Variants in HDX observed in about 807,000 individuals in gnomAD.
The protein encoded by HDX is highly divergent homeobox.
In HDX, 19 loss-of-function variants were observed where a neutral mutation model predicts 45.2. The observed-to-expected ratio is 0.42, with a 90% CI of 0.29 to 0.62. The LOEUF (loss-of-function observed/expected upper bound fraction) is 0.62, where lower values mean the gene tolerates loss of function less well. Ranked by LOEUF, HDX falls within the 20% of genes least tolerant of loss-of-function variation. The pLI is 0.20. For missense variants in HDX, 532 were observed against 493.9 expected (o/e 1.08, Z -0.73); for synonymous variants, 188 against 172.8 (o/e 1.09, Z -0.69).
intron 2 of HDX, among the ~76,000 whole-genome samples, chrX:84,481,179 G>T (rs1396374688): frequency 4.5e-5 from 5 of 111,113 alleles, no homozygotes; most frequent in Non-Finnish European, 9.4e-5. Flanking sequence ...GGCCTGTGGT[G>T]ATGTACCTTT....
chrX:84,465,778 C>G (rs888326177), intron 4 of HDX, among the ~76,000 whole-genome samples: 1 of 111,115 alleles, frequency 9.0e-6, no homozygotes, highest in Non-Finnish European at 1.9e-5. Context: ...ATGTAACAAA[C>G]CTGCACGTTC....
intron 9 of HDX, among the ~76,000 whole-genome samples, chrX:84,330,162 A>G (rs1214846097): frequency 9.0e-6 from 1 of 111,280 alleles, no homozygotes; most frequent in African/African-American, 3.3e-5. Context: ...TTTGTACCCT[A>G]TAAATATACA....
intron 10 of HDX, among the ~76,000 whole-genome samples, chrX:84,322,662 T>C (rs2036622332): frequency 9.0e-6 from 1 of 110,795 alleles, no homozygotes; most frequent in Non-Finnish European, 1.9e-5. Flanking sequence ...ATTTCTCTGC[T>C]TGAGTAATAA....
chrX:84,412,980 G>A (rs771015236), intron 5 of HDX, among the ~76,000 whole-genome samples: 3 of 111,890 alleles, frequency 2.7e-5, no homozygotes, highest in Non-Finnish European at 5.6e-5. Flanking sequence ...CTTGAAGTGA[G>A]TTTTTCAGCT....
intron 4 of HDX, among the ~76,000 whole-genome samples, chrX:84,456,433 C>T (rs1453968974): frequency 9.1e-6 from 1 of 110,128 alleles, no homozygotes; most frequent in Non-Finnish European, 1.9e-5. Flanking sequence ...GAGAAAATTT[C>T]CTTCAATAAA....
At chrX:84,464,033 G>A (rs1159490374) in intron 4 of HDX, among the ~76,000 whole-genome samples, 1 of 111,287 alleles carries the variant, frequency 9.0e-6, no homozygotes, top group Non-Finnish European at 1.9e-5. Flanking sequence ...GATAAGTGGT[G>A]TAACACAGAA....
intron 4 of HDX, among the ~76,000 whole-genome samples, chrX:84,443,797 A>G (rs1033292316): frequency 2.7e-5 from 3 of 112,243 alleles, no homozygotes; most frequent in Non-Finnish European, 5.7e-5. Flanking sequence ...AAAGAACTTC[A>G]AAAACTTTTG....
chrX:84,396,350 C>A (rs971561932), intron 5 of HDX, among the ~76,000 whole-genome samples: 1 of 111,958 alleles, frequency 8.9e-6, no homozygotes, highest in African/African-American at 3.2e-5. Context: ...CTATGATATC[C>A]TTGATGTTTT....
rs1602241906 is a variant in HDX, at chrX:84,322,008, G to A, written c.1954C>T (p.Leu652=). Residue 652 remains leucine (L), a synonymous_variant, in exon 11 of 11, where the codon CTG becomes TTG. Transcript: ENST00000373177. ...ADDKEQQQAL[L]SDLPPELEEM... ...TCTAATTCAGGAGGTAAATCTGACAGCAGTGCCTGAATAAAAAAAATAATA... is the reference window on the plus strand; with the variant it reads ...TCTAATTCAGGAGGTAAATCTGACAACAGTGCCTGAATAAAAAAAATAATA... 8.6e-7 allele frequency: 1 copy of A among 1,157,621 alleles called. No individual in the cohort carries two copies. The highest frequency in any genetic ancestry group is 3.1e-5 in the East Asian group (1 of 32,710).
intron 7 of HDX, among the ~76,000 whole-genome samples, chrX:84,340,437 T>C (rs1901172492): frequency 9.0e-6 from 1 of 110,918 alleles, no homozygotes; most frequent in Non-Finnish European, 1.9e-5. Context: ...AGTTGTTAGG[T>C]TTTTGAAATA....
At chrX:84,460,873 T>C (rs145490000) in intron 4 of HDX, among the ~76,000 whole-genome samples, 162 of 112,003 alleles carry the variant, frequency 1.4e-3, no homozygotes, top group South Asian at 3.7e-3. Context: ...CATACAAAAA[T>C]CTGTAGCATT....
At chrX:84,364,967 T>C (rs1602317391) in intron 5 of HDX, among the ~76,000 whole-genome samples, 1 of 111,457 alleles carries the variant, frequency 9.0e-6, no homozygotes, top group Non-Finnish European at 1.9e-5. Flanking sequence ...TAAAATTCCA[T>C]TGTACATATA....
chrX:84,450,421 G>A (rs900413018), intron 4 of HDX, among the ~76,000 whole-genome samples: 1 of 111,332 alleles, frequency 9.0e-6, no homozygotes, highest in African/African-American at 3.3e-5. Context: ...CAGACTTTAA[G>A]TAAAAAACAA....
intron 6 of HDX, 21 bp downstream of exon 6, chrX:84,361,445 A>C (rs1279550349): frequency 8.4e-7 from 1 of 1,191,683 alleles, no homozygotes; most frequent in Non-Finnish European, 1.1e-6. Context: ...TATAGCATGA[A>C]AATTATAGAA....
intron 2 of HDX, among the ~76,000 whole-genome samples, chrX:84,486,518 T>G (rs1170492323): frequency 8.9e-6 from 1 of 112,003 alleles, no homozygotes; most frequent in South Asian, 3.7e-4. Flanking sequence ...GAATTTACTT[T>G]AACATTTTTA....
intron 4 of HDX, among the ~76,000 whole-genome samples, chrX:84,455,362 A>G (rs2040090986): frequency 8.9e-6 from 1 of 112,282 alleles, no homozygotes; most frequent in African/African-American, 3.2e-5. Context: ...GATAGATTTA[A>G]CAAAGAGACT....
chrX:84,378,959 G>GA (rs2038122389), intron 5 of HDX, among the ~76,000 whole-genome samples: 1 of 110,288 alleles, frequency 9.1e-6, no homozygotes, highest in African/African-American at 3.3e-5. Context: ...TAAAGAGATG[G>GA]AAAAAGATGT....
At chrX:84,426,451 G>T (rs2039386808) in intron 5 of HDX, among the ~76,000 whole-genome samples, 1 of 110,983 alleles carries the variant, frequency 9.0e-6, no homozygotes, top group African/African-American at 3.3e-5. Context: ...TATATATAAT[G>T]AAATATTTTT....
intron 4 of HDX, among the ~76,000 whole-genome samples, chrX:84,448,500 C>T (rs184923856): frequency 6.6e-4 from 73 of 111,179 alleles, no homozygotes; most frequent in South Asian, 1.5e-3. Context: ...CTAAAAATCA[C>T]ACCCTAAGCA....
Sources: allele counts gnomAD v4.1 joint callset (sites outside exome capture counted in the v4.1 genomes callset), GRCh38; gene constraint gnomAD v4.1.1; transcripts MANE v1.5; gene names NCBI Gene and HGNC (gene_info 2026-07-23, HGNC 2026-07-21).